Variants in CAPN13 observed in about 807,000 individuals in gnomAD.
The protein encoded by CAPN13 is calpain 13.
A neutral mutation model predicts 98.4 loss-of-function variants in CAPN13; 90 were observed. That is an observed-to-expected ratio of 0.92 (90% CI 0.77 to 1.09). CAPN13 has a LOEUF of 1.09. Among genes scored for constraint, CAPN13 ranks in the 50% least tolerant of loss-of-function variants. The probability of loss-of-function intolerance (pLI) is 0.00; values close to 1 mark genes in which losing one functional copy is unlikely to be tolerated. For synonymous variants in CAPN13, 330 were observed against 305.5 expected (o/e 1.08, Z -0.84); for missense variants, 887 against 841.3 (o/e 1.05, Z -0.67).
chr2:30,791,555 C>T (rs776925389), intron 1 of CAPN13, among the ~76,000 whole-genome samples: 3 of 152,218 alleles, frequency 2.0e-5, no homozygotes, highest in Non-Finnish European at 4.4e-5. Context: ...ACAAAAAGCT[C>T]CAAGAAAGCC....
intron 1 of CAPN13, among the ~76,000 whole-genome samples, chr2:30,795,456 C>T (rs1428988538): frequency 6.6e-6 from 1 of 152,052 alleles, no homozygotes; most frequent in Admixed American, 6.5e-5. Context: ...GTACCCATCA[C>T]GTGGGAGTAG....
At chr2:30,774,080 T>G (rs1336946739) in intron 4 of CAPN13, among the ~76,000 whole-genome samples, 1 of 151,916 alleles carries the variant, frequency 6.6e-6, no homozygotes, top group Non-Finnish European at 1.5e-5. Flanking sequence ...TCAGATAAAC[T>G]TTAAAGAAAC....
At chr2:30,735,633 G>A (rs72867118) in intron 18 of CAPN13, among the ~76,000 whole-genome samples, 3,345 of 152,288 alleles carry the variant, frequency 0.022, 120 homozygotes, top group African/African-American at 0.076. Flanking sequence ...CATGCCAGCC[G>A]TCGCAGTGCC....
chr2:30,756,906 C>T lies in CAPN13; in HGVS notation c.866+1140G>A, dbSNP rs543720862. ...CATCTCCGCTTACCTCGCCCTCCAT[C>T]CCAATCATACTTTCATCCCACACTG... On this transcript the variant is annotated intron_variant, in intron 8 of 22. Coordinates refer to ENST00000295055, the MANE Select transcript of CAPN13 (RefSeq NM_144575.3). Among the ~76,000 whole-genome samples the T allele has an allele frequency of 3.9e-5, 6 of 152,296 alleles. 1 individual carries two copies. The highest frequency in any genetic ancestry group is 1.4e-4 in the African/African-American group (6 of 41,548).
chr2:30,739,292 A>G (rs1327370006), intron 15 of CAPN13, among the ~76,000 whole-genome samples: 1 of 152,122 alleles, frequency 6.6e-6, no homozygotes, highest in Non-Finnish European at 1.5e-5. Flanking sequence ...GGCGCTGGAA[A>G]GATTTATCAG....
rs368974180 is a variant in CAPN13 at position 30,777,559 on chromosome 2, A to C, written c.271+8T>G. 2.1e-5 allele frequency: 33 copies of C among 1,567,586 alleles called. No homozygotes were observed. In the African/African-American group the frequency reaches 3.0e-4, roughly 14 times the overall value. On this transcript the variant is annotated splice_region_variant and intron_variant, in intron 3 of 22. Transcript: ENST00000295055. ...CCAGGGCACGGAGGGAAGATGTTGC[A>C]CTCTTACCTGCGCCTCCTTGTTGGA...
intron 1 of CAPN13, among the ~76,000 whole-genome samples, chr2:30,788,927 A>T (rs989156709): frequency 3.3e-5 from 5 of 152,200 alleles, no homozygotes; most frequent in Admixed American, 2.0e-4. Flanking sequence ...GACCATACAG[A>T]ACTGCCATTT....
chr2:30,780,237 A>G (rs529001732), intron 2 of CAPN13, among the ~76,000 whole-genome samples: 1 of 152,344 alleles, frequency 6.6e-6, no homozygotes, highest in Non-Finnish European at 1.5e-5. Flanking sequence ...TTCCAGTGTC[A>G]TTGACAGTTT....
At chr2:30,789,267 C>A (rs550597050) in intron 1 of CAPN13, among the ~76,000 whole-genome samples, 1 of 152,324 alleles carries the variant, frequency 6.6e-6, no homozygotes, top group Admixed American at 6.5e-5. Flanking sequence ...AATCATGGGT[C>A]TACCAATTCT....
chr2:30,752,382 C>T (rs1672218247), intron 10 of CAPN13, among the ~76,000 whole-genome samples: 1 of 152,170 alleles, frequency 6.6e-6, no homozygotes, highest in South Asian at 2.1e-4. Flanking sequence ...CTATTTCACT[C>T]AACAATGCCA....
chr2:30,765,185 G>A (rs1399518502), intron 5 of CAPN13, among the ~76,000 whole-genome samples: 7 of 152,176 alleles, frequency 4.6e-5, no homozygotes, highest in South Asian at 2.1e-4. Flanking sequence ...TGCAGGGGCC[G>A]GACAGTTAGA....
intron 12 of CAPN13, 30 bp from the exon 13 acceptor site, chr2:30,743,609 A>AG: frequency 6.2e-7 from 1 of 1,609,268 alleles, no homozygotes; most frequent in Non-Finnish European, 8.5e-7. Context: ...AATGATTGTG[A>AG]GAAAGCCTCC....
chr2:30,786,806 T>C lies in CAPN13; in HGVS notation c.198+322A>G, dbSNP rs539356815. On this transcript the variant is annotated intron_variant, in intron 2 of 22. Transcript: ENST00000295055. ...ACAGAGTGATAGATGGGGTCAATTATGGGGTGGAGGAGACTCCAAAGAGCA... is the reference window on the plus strand; with the variant it reads ...ACAGAGTGATAGATGGGGTCAATTACGGGGTGGAGGAGACTCCAAAGAGCA... Among the ~76,000 whole-genome samples the C allele has an allele frequency of 5.3e-4, 80 of 152,270 alleles. 1 individual carries two copies. The highest frequency in any genetic ancestry group is 8.3e-4 in the South Asian group (4 of 4,816).
chr2:30,773,068 C>G (rs994236281), intron 4 of CAPN13, among the ~76,000 whole-genome samples: 2 of 152,224 alleles, frequency 1.3e-5, no homozygotes, highest in Non-Finnish European at 2.9e-5. Flanking sequence ...TCGTGATCTA[C>G]CCACCTCAGC....
At chr2:30,802,433 AAAG>A (rs1458799868) in intron 1 of CAPN13, among the ~76,000 whole-genome samples, 11 of 150,880 alleles carry the variant, frequency 7.3e-5, no homozygotes, top group Non-Finnish European at 1.2e-4. Context: ...GCAACATGAA[AAAG>A]AAGGAGCTTA....
chr2:30,801,842 C>T (rs1281015195), intron 1 of CAPN13, among the ~76,000 whole-genome samples: 1 of 152,082 alleles, frequency 6.6e-6, no homozygotes, highest in Non-Finnish European at 1.5e-5. Context: ...ATTCTCACGC[C>T]AGCCCAGCAT....
chr2:30,750,789 T>C (rs1176022050), intron 11 of CAPN13, among the ~76,000 whole-genome samples: 3 of 152,214 alleles, frequency 2.0e-5, no homozygotes, highest in Non-Finnish European at 2.9e-5. Context: ...AGAATCTGCT[T>C]TGTTAGAACA....
chr2:30,779,182 G>A (rs1221133612), intron 2 of CAPN13, among the ~76,000 whole-genome samples: 4 of 152,176 alleles, frequency 2.6e-5, no homozygotes, highest in Non-Finnish European at 5.9e-5. Context: ...CTTCTTCACT[G>A]TGGTCCTGCT....
At chr2:30,764,650 C>T (rs1312263963) in intron 5 of CAPN13, among the ~76,000 whole-genome samples, 1 of 152,154 alleles carries the variant, frequency 6.6e-6, no homozygotes, top group African/African-American at 2.4e-5. Flanking sequence ...CATTAATGAG[C>T]TTCATGGGGC....
Sources: gnomAD v4.1 joint callset for allele counts (sites outside exome capture counted in the v4.1 genomes callset) on GRCh38, gnomAD v4.1.1 for gene constraint, MANE v1.5 for transcripts, NCBI Gene and HGNC (gene_info 2026-07-23, HGNC 2026-07-21) for gene names.